Variants in DIAPH2 observed in about 807,000 individuals in gnomAD.
DIAPH2 encodes the protein diaphanous related formin 2.
DIAPH2 carries 35 observed loss-of-function variants against 92.7 expected under a neutral mutation model. The ratio of observed to expected loss-of-function variants is 0.38; its 90% CI spans 0.29 to 0.50. DIAPH2 has a LOEUF of 0.50. Ranked by LOEUF, DIAPH2 falls within the 20% of genes least tolerant of loss-of-function variation. The probability of loss-of-function intolerance (pLI) is 0.94; values close to 1 mark genes in which losing one functional copy is unlikely to be tolerated. For synonymous variants in DIAPH2, 301 were observed against 280.4 expected, an observed-to-expected ratio of 1.07 and a Z score of -0.73; for missense variants, 701 against 819.5, an observed-to-expected ratio of 0.86 and a Z score of 1.77.
At chrX:97,147,792 A>G (rs2067257564) in intron 22 of DIAPH2, among the ~76,000 whole-genome samples, 1 of 111,380 alleles carries the variant, frequency 9.0e-6, no homozygotes, top group South Asian at 3.7e-4. Flanking sequence ...AATTTTAACA[A>G]TCAACTATAC....
At chrX:97,089,496 C>G (rs1223725075) in intron 19 of DIAPH2, among the ~76,000 whole-genome samples, 2 of 111,554 alleles carry the variant, frequency 1.8e-5, no homozygotes, top group African/African-American at 6.5e-5. Flanking sequence ...TCTGCTCAAC[C>G]AACATAAAGC....
chrX:97,150,317 G>A (rs912682862), intron 22 of DIAPH2, among the ~76,000 whole-genome samples: 3 of 111,877 alleles, frequency 2.7e-5, no homozygotes, highest in Admixed American at 9.5e-5. Flanking sequence ...GGAAACTAGT[G>A]AGTAAAAACA....
At chrX:97,284,605 C>T (rs2068524974) in intron 23 of DIAPH2, among the ~76,000 whole-genome samples, 1 of 101,706 alleles carries the variant, frequency 9.8e-6, no homozygotes, top group Admixed American at 1.1e-4. Flanking sequence ...ACTAAAGCTC[C>T]GTCTCAAAAA....
chrX:96,816,846 G>A (rs1214862539), intron 4 of DIAPH2, among the ~76,000 whole-genome samples: 2 of 112,345 alleles, frequency 1.8e-5, no homozygotes, highest in African/African-American at 6.5e-5. Context: ...ACAGATGAAT[G>A]CATAAAGAAA....
Position 97,347,976 on chromosome X carries a change from C to T in DIAPH2, c.2845-140C>T, listed in dbSNP as rs185805990. ...CCTAATCTGTGGTATTTTACCATGG[C>T]AGCCCTAACAAACTAATACACAAGT... is the stretch of plus-strand genomic sequence containing the variant. On this transcript the variant is annotated intron_variant, in intron 23 of 26. Coordinates refer to ENST00000324765, the MANE Select transcript of DIAPH2 (RefSeq NM_006729.5). 2.7e-5 allele frequency: 15 copies of T among 559,733 alleles called. No individual in the cohort carries two copies. In the East Asian group the frequency reaches 3.0e-4, roughly 11 times the overall value. The allele number at this position is 559,733 out of a possible 1,213,427, so 46.1% of individuals were successfully genotyped here.
At chrX:96,736,555 C>T (rs986127253) in intron 2 of DIAPH2, among the ~76,000 whole-genome samples, 3 of 111,008 alleles carry the variant, frequency 2.7e-5, no homozygotes, top group Non-Finnish European at 3.8e-5. Flanking sequence ...TACAGGTGCC[C>T]ACCACCACGC....
chrX:97,293,698 T>C (rs745819175), intron 23 of DIAPH2, among the ~76,000 whole-genome samples: 1 of 112,118 alleles, frequency 8.9e-6, no homozygotes, highest in East Asian at 2.8e-4. Flanking sequence ...AGACTCACTA[T>C]GTTTAGATTG....
At chrX:96,915,105 CTGA>C (rs1458550652) in intron 7 of DIAPH2, among the ~76,000 whole-genome samples, 1 of 110,952 alleles carries the variant, frequency 9.0e-6, no homozygotes, top group Non-Finnish European at 1.9e-5. Flanking sequence ...TAATATTGCT[CTGA>C]TGTTTGGATT....
At chrX:97,463,544 C>T (rs2070479765) in intron 26 of DIAPH2, among the ~76,000 whole-genome samples, 1 of 109,777 alleles carries the variant, frequency 9.1e-6, no homozygotes, top group Non-Finnish European at 1.9e-5. Context: ...GCACACACTA[C>T]CACACCTGGC....
At chrX:96,833,672 A>AT (rs2147692144) in intron 4 of DIAPH2, among the ~76,000 whole-genome samples, 1 of 110,302 alleles carries the variant, frequency 9.1e-6, no homozygotes, top group East Asian at 2.8e-4. Flanking sequence ...ATTTTATTTT[A>AT]TTTTTTGGGA....
intron 26 of DIAPH2, among the ~76,000 whole-genome samples, chrX:97,587,354 C>T (rs1464271932): frequency 9.0e-6 from 1 of 111,047 alleles, no homozygotes; most frequent in African/African-American, 3.3e-5. Context: ...GAAATAATCT[C>T]TTTCTACCCT....
chrX:97,556,590 C>A, intron 26 of DIAPH2, among the ~76,000 whole-genome samples: 1 of 111,668 alleles, frequency 9.0e-6, no homozygotes, highest in Non-Finnish European at 1.9e-5. Flanking sequence ...ATTTCTACCC[C>A]CATTGTCACA....
chrX:97,396,368 G>A (rs1433118949), intron 25 of DIAPH2, among the ~76,000 whole-genome samples: 1 of 110,913 alleles, frequency 9.0e-6, no homozygotes, highest in African/African-American at 3.3e-5. Context: ...TTAGAATCAG[G>A]ACAAAATCTA....
chrX:96,831,454 G>A, intron 4 of DIAPH2, among the ~76,000 whole-genome samples: 1 of 111,876 alleles, frequency 8.9e-6, no homozygotes, highest in Middle Eastern at 4.6e-3. Context: ...GGCACTTGGG[G>A]ACAATTCTAA....
intron 5 of DIAPH2, among the ~76,000 whole-genome samples, chrX:96,908,859 A>G (rs1011825736): frequency 3.6e-5 from 4 of 111,838 alleles, no homozygotes; most frequent in Non-Finnish European, 7.5e-5. Context: ...TCGGCCTCCC[A>G]AAGTGCTGGG....
rs889573418 is a variant in DIAPH2, at chrX:97,072,924, A to G, written c.2051-17A>G. On this transcript the variant is annotated splice_polypyrimidine_tract_variant and intron_variant, in intron 17 of 26. Transcript: ENST00000324765. ...TTAGTACCCTTATTGTTTATGAATC[A>G]ACATTTTTTCTTTCAGTTCAAAAGA... is the stretch of plus-strand genomic sequence containing the variant. The G allele has an allele frequency of 1.2e-5, 14 of 1,124,353 alleles. No homozygotes were observed. Among genetic ancestry groups the G allele is most frequent in the South Asian group, 2.0e-5 (1 of 50,853 alleles). The allele number at this position is 1,124,353 out of a possible 1,213,427, so 92.7% of individuals were successfully genotyped here.
At chrX:97,335,004 A>AAAAAAAAAAG (rs2069044633) in intron 23 of DIAPH2, among the ~76,000 whole-genome samples, 1 of 103,100 alleles carries the variant, frequency 9.7e-6, no homozygotes, top group Non-Finnish European at 2.0e-5. Context: ...AAAACAAAAA[A>AAAAAAAAAAG]AAAAAAAAAA....
chrX:96,727,970 G>A (rs151117475), intron 1 of DIAPH2, among the ~76,000 whole-genome samples: 5,674 of 106,035 alleles, frequency 0.054, 191 homozygotes, highest in Middle Eastern at 0.14. Flanking sequence ...CTTGAATCCG[G>A]GAGGTGGAGG....
chrX:97,405,202 C>T (rs781334800), intron 25 of DIAPH2, among the ~76,000 whole-genome samples: 5 of 111,993 alleles, frequency 4.5e-5, no homozygotes, highest in Non-Finnish European at 9.4e-5. Flanking sequence ...TACTGCATAA[C>T]TTACTTTCAC....
Sources: allele counts gnomAD v4.1 joint callset (sites outside exome capture counted in the v4.1 genomes callset), GRCh38; gene constraint gnomAD v4.1.1; transcripts MANE v1.5; gene names NCBI Gene and HGNC (gene_info 2026-07-23, HGNC 2026-07-21).